Variants in DISP2 observed in about 807,000 individuals in gnomAD.
The protein encoded by DISP2 is dispatched RND transporter family member 2.
In DISP2, 59 loss-of-function variants were observed where a neutral mutation model predicts 95.5. That is an observed-to-expected ratio of 0.62 (90% CI 0.50 to 0.77). The LOEUF (loss-of-function observed/expected upper bound fraction) is 0.77, where lower values mean the gene tolerates loss of function less well. Ranked by LOEUF, DISP2 falls within the 30% of genes least tolerant of loss-of-function variation. DISP2 has a pLI of 0.00. For synonymous variants in DISP2, 827 were observed against 815.0 expected, an observed-to-expected ratio of 1.01 and a Z score of -0.25; for missense variants, 1,752 against 1,854.6, an observed-to-expected ratio of 0.94 and a Z score of 1.02.
chr15:40,367,741 C>G lies in DISP2; in HGVS notation c.1629C>G (p.Val543=). Residue 543 remains valine, a synonymous_variant, in exon 8 of 8, where the codon GTC becomes GTG. Transcript: ENST00000267889. ...VAFRMAYFPF[V]NLAALLLLSS... ...TCCGCATGGCCTACTTCCCCTTCGT[C>G]AATCTGGCAGCCCTCCTCCTGCTGA... is the stretch of plus-strand genomic sequence containing the variant. 6.2e-7 allele frequency: 1 copy of G among 1,612,722 alleles called. No individual in the cohort carries two copies. The highest frequency in any genetic ancestry group is 8.5e-7 in the Non-Finnish European group (1 of 1,180,030).
In DISP2 at chr15:40,369,191, G is replaced by A. The variant is rs778717806; in HGVS notation, c.3079G>A (p.Gly1027Ser). Residue 1027 changes from glycine (G) to serine (S), a missense_variant, in exon 8 of 8, where the codon GGC becomes AGC. Physicochemically the swap from Gly to Ser is moderately conservative, Grantham distance 56 (BLOSUM62 0). Around this residue, in one of 5 missense-constraint regions of DISP2, gnomAD observed 317 missense variants for 394.9 expected, o/e 0.80. Coordinates refer to ENST00000267889, the MANE Select transcript of DISP2 (RefSeq NM_033510.3). ...GGCCCTGTTTCTCTCTGCCTCAGTGGGCCTCTCAGTAGACTTCACTGTCAA... is the reference window on the plus strand; with the variant it reads ...GGCCCTGTTTCTCTCTGCCTCAGTGAGCCTCTCAGTAGACTTCACTGTCAA... ...AEALFLSASVGLSVDFTVNYC... is the reference protein window; with the variant it reads ...AEALFLSASVSLSVDFTVNYC... The A allele has an allele frequency of 6.2e-7, 1 of 1,613,880 alleles. No individual in the cohort carries two copies. Among genetic ancestry groups the A allele is most frequent in the South Asian group, 1.1e-5 (1 of 91,086 alleles).
At position 40,370,352 on chromosome 15, in the gene DISP2, C is replaced by T; in HGVS notation, c.*34C>T. ...CGGGGAGGCTGGACAGGGCGCGGAA[C>T]CCTGTCATGGATGACAAGGCAAGGG... On this transcript the variant is annotated 3_prime_UTR_variant, in exon 8 of 8. Transcript: ENST00000267889. The T allele has an allele frequency of 6.6e-7, 1 of 1,510,822 alleles. No homozygotes were observed. Among genetic ancestry groups the T allele is most frequent in the Non-Finnish European group, 8.8e-7 (1 of 1,132,666 alleles). The allele number at this position is 1,510,822 out of a possible 1,614,324, so 93.6% of individuals were successfully genotyped here.
rs945942246 is a variant in DISP2 at position 40,377,613 on chromosome 15, G to C, written c.*7295G>C. 2 of 152,426 alleles carry C rather than the reference G, an allele frequency of 1.3e-5. No individual in the cohort carries two copies. Among genetic ancestry groups the C allele is most frequent in the Admixed American group, 1.3e-4 (2 of 15,280 alleles). The allele number at this position is 152,426 out of a possible 1,614,324, so 9.4% of individuals were successfully genotyped here. ...CTCTGAGGTGAGGGGATAGCTGGGAGTGTGGAGCAGCCAAGCTGGCTAGAG... is the reference window on the plus strand; with the variant it reads ...CTCTGAGGTGAGGGGATAGCTGGGACTGTGGAGCAGCCAAGCTGGCTAGAG... On this transcript the variant is annotated 3_prime_UTR_variant, in exon 8 of 8. Transcript: ENST00000267889.
At chr15:40,360,019 G>T (rs1230228684) in intron 1 of DISP2, among the ~76,000 whole-genome samples, 2 of 152,214 alleles carry the variant, frequency 1.3e-5, no homozygotes, top group African/African-American at 2.4e-5. Flanking sequence ...TGTGGGCTTG[G>T]GGGTATAGTT....
Position 40,368,448 on chromosome 15 carries a change from T to G in DISP2, c.2336T>G (p.Leu779Arg), listed in dbSNP as rs780899040. 1.2e-6 allele frequency: 2 copies of G among 1,609,636 alleles called. No homozygotes were observed. Among genetic ancestry groups the G allele is most frequent in the East Asian group, 4.5e-5 (2 of 44,880 alleles). The change falls in exon 8 of 8, where the codon CTG becomes CGG. Residue 779 changes from leucine to arginine, a missense_variant. By Grantham distance (102) the Leu-to-Arg change is moderately radical. This residue lies in a region of DISP2 where 732 missense variants were observed against 714.6 expected (regional missense o/e 1.02). Coordinates refer to ENST00000267889, the MANE Select transcript of DISP2 (RefSeq NM_033510.3). ...HMPVVLVWGV[L>R]PVDTGDPLDP... ...CCCGTGGTTTTGGTGTGGGGCGTCC[T>G]GCCTGTGGACACTGGCGACCCTCTG...
In DISP2 at chr15:40,364,057, A is replaced by G. The variant is rs1342052125; in HGVS notation, c.449+103A>G. 8.9e-6 allele frequency: 13 copies of G among 1,462,558 alleles called. No individual in the cohort carries two copies. The South Asian group carries it at 1.6e-4, about 17-fold the overall frequency. 90.6% of individuals were successfully genotyped at this position (1,462,558 alleles called of 1,614,324 possible). On this transcript the variant is annotated intron_variant, in intron 2 of 7. Transcript: ENST00000267889. ...CTCTAGACTCCTTTCTTAGGAGGCA[A>G]CCAGATGCAACAGGAAGTAAGGGTT...
chr15:40,368,270 A>C lies in DISP2; in HGVS notation c.2158A>C (p.Ile720Leu), dbSNP rs1358320785. 6.2e-7 allele frequency: 1 copy of C among 1,608,954 alleles called. No individual in the cohort carries two copies. Among genetic ancestry groups the C allele is most frequent in the Non-Finnish European group, 8.5e-7 (1 of 1,178,468 alleles). ...FAALAAGGAY[I>L]AGVSPRLRLP... Reference sequence around the variant, plus strand: ...AGCACTGGCGGCAGGGGGCGCCTACATCGCCGGAGTCAGCCCCCGCCTGCG... The same window carrying C: ...AGCACTGGCGGCAGGGGGCGCCTACCTCGCCGGAGTCAGCCCCCGCCTGCG... Residue 720 changes from isoleucine to leucine, a missense_variant, in exon 8 of 8, where the codon ATC (isoleucine) becomes CTC (leucine). By Grantham distance (5) the Ile-to-Leu change is conservative (BLOSUM62 2). Around this residue, in one of 5 missense-constraint regions of DISP2, gnomAD observed 732 missense variants for 714.6 expected, o/e 1.02. Transcript: ENST00000267889.
intron 1 of DISP2, 124 bp downstream of exon 1, chr15:40,358,564 C>T: frequency 5.3e-6 from 4 of 750,618 alleles, no homozygotes; most frequent in South Asian, 1.3e-4. Context: ...AGCCCCTTCC[C>T]GGGGTCGCCA....
In DISP2 at chr15:40,376,450, T is replaced by C. The variant is rs1198979435; in HGVS notation, c.*6132T>C. On this transcript the variant is annotated 3_prime_UTR_variant, in exon 8 of 8. Transcript: ENST00000267889. The stretch of plus-strand genomic sequence containing the variant: ...GCCTGGCCAACATGGCAAAACCCTG[T>C]CTCTACTAAAAATACAAAAATTAGC... 6.6e-6 allele frequency: 1 copy of C among 152,038 alleles called. No individual in the cohort carries two copies. Among genetic ancestry groups the C allele is most frequent in the African/African-American group, 2.4e-5 (1 of 41,368 alleles). 9.4% of individuals were successfully genotyped at this position (152,038 alleles called of 1,614,324 possible). A position where few individuals can be genotyped will look rare whatever the true frequency, so the allele number is the denominator to read the frequency against.
At position 40,369,105 on chromosome 15, in the gene DISP2, G is replaced by A. The variant is rs775577877; in HGVS notation, c.2993G>A (p.Gly998Asp). 26 of 1,613,780 alleles carry A rather than the reference G, an allele frequency of 1.6e-5. No individual in the cohort carries two copies. Among genetic ancestry groups the A allele is most frequent in the Non-Finnish European group, 2.5e-6 (3 of 1,180,056 alleles). ...CTATTCTCCGTGGCAGCTGTGGCAG[G>A]CACCGTGCTGCTCACTGTAGGACTC... ...LSLFSVAAVA[G>D]TVLLTVGLLV... The change falls in exon 8 of 8, where the codon GGC (glycine) becomes GAC (aspartate). Residue 998 changes from glycine to aspartate, a missense_variant. Gly to Asp is a moderately conservative substitution (Grantham distance 94). This residue lies in a region of DISP2 where 317 missense variants were observed against 394.9 expected (regional missense o/e 0.80). Transcript: ENST00000267889.
At position 40,364,259 on chromosome 15, in the gene DISP2, G is replaced by T. The variant is rs957045898; in HGVS notation, c.479+4G>T. On this transcript the variant is annotated splice_donor_region_variant and intron_variant, in intron 3 of 7. Coordinates refer to ENST00000267889, the MANE Select transcript of DISP2 (RefSeq NM_033510.3). Reference sequence around the variant, plus strand: ...GAGCCTTCCAGATGCCAAAGAGGTAGGCCTGGGCCTTCCCTGGACCTCTAG... The same window carrying T: ...GAGCCTTCCAGATGCCAAAGAGGTATGCCTGGGCCTTCCCTGGACCTCTAG... 27 of 1,614,010 alleles carry T rather than the reference G, an allele frequency of 1.7e-5. No individual in the cohort carries two copies. The African/African-American group carries it at 3.3e-4, about 20-fold the overall frequency.
At position 40,371,182 on chromosome 15, in the gene DISP2, G is replaced by A. The variant is rs1263727313; in HGVS notation, c.*864G>A. 1 of 152,442 alleles carries A rather than the reference G, an allele frequency of 6.6e-6. No individual in the cohort carries two copies. Among genetic ancestry groups the A allele is most frequent in the African/African-American group, 2.4e-5 (1 of 41,416 alleles). The allele number at this position is 152,442 out of a possible 1,614,324, so 9.4% of individuals were successfully genotyped here. A position where few individuals can be genotyped will look rare whatever the true frequency, so the allele number is the denominator to read the frequency against. The stretch of plus-strand genomic sequence containing the variant: ...ACTAAGTAAGATGAACTGACCTCAG[G>A]GTCACTTAGCCACTAAATGGCAGAG... On this transcript the variant is annotated 3_prime_UTR_variant, in exon 8 of 8. Transcript: ENST00000267889.
Position 40,358,249 on chromosome 15 carries a change from C to A in DISP2, c.-73C>A. On this transcript the variant is annotated 5_prime_UTR_variant, in exon 1 of 8. Transcript: ENST00000267889. ...CACGAGCACCCCGCCGCCGCTGCCG[C>A]CGCCACCGCCGCCGCCGCCGCCGCC... 9.6e-7 allele frequency: 1 copy of A among 1,045,984 alleles called. No individual in the cohort carries two copies. Among genetic ancestry groups the A allele is most frequent in the South Asian group, 4.6e-5 (1 of 21,962 alleles). 64.8% of individuals were successfully genotyped at this position (1,045,984 alleles called of 1,614,324 possible).
Position 40,369,915 on chromosome 15 carries a change from C to A in DISP2, c.3803C>A (p.Ala1268Asp). ...EPLPASPEAP[A>D]HSPKAKAADP... The stretch of plus-strand genomic sequence containing the variant: ...CTGCCAGCCTCACCAGAAGCCCCAG[C>A]CCACTCTCCTAAGGCCAAGGCTGCA... Residue 1268 changes from alanine to aspartate, a missense_variant, in exon 8 of 8, where the codon GCC (alanine) becomes GAC (aspartate). Ala to Asp is a moderately radical substitution (Grantham distance 126). Coordinates refer to ENST00000267889, the MANE Select transcript of DISP2 (RefSeq NM_033510.3). 6.3e-7 allele frequency: 1 copy of A among 1,578,340 alleles called. No homozygotes were observed. The highest frequency in any genetic ancestry group is 8.6e-7 in the Non-Finnish European group (1 of 1,160,566).
In DISP2 at chr15:40,367,836, C is replaced by T. The variant is rs1328707914; in HGVS notation, c.1724C>T (p.Ser575Leu). 3.7e-6 allele frequency: 6 copies of T among 1,601,384 alleles called. No homozygotes were observed. The highest frequency in any genetic ancestry group is 1.3e-5 in the African/African-American group (1 of 74,906). The change falls in exon 8 of 8, where the codon TCG becomes TTG. Residue 575 changes from serine (S) to leucine (L), a missense_variant. By Grantham distance (145) the Ser-to-Leu change is moderately radical. Transcript: ENST00000267889. Reference sequence around the variant, plus strand: ...CGCCTTAGCAAGAGCCAGCTGCCGTCGGGGGGGCTGGCGCAGCGCGTGGGC... The same window carrying T: ...CGCCTTAGCAAGAGCCAGCTGCCGTTGGGGGGGCTGGCGCAGCGCGTGGGC... ...LWRLSKSQLP[S>L]GGLAQRVGRT...
rs4924458 is a variant in DISP2 at position 40,370,900 on chromosome 15, C to G, written c.*582C>G. 0.13 allele frequency: 36,232 copies of G among 271,532 alleles called. 4,511 individuals carry two copies. Among genetic ancestry groups the G allele is most frequent in the East Asian group, 0.56 (6,506 of 11,630 alleles). 16.8% of individuals were successfully genotyped at this position (271,532 alleles called of 1,614,324 possible). A position where few individuals can be genotyped will look rare whatever the true frequency, so the allele number is the denominator to read the frequency against. ...ATACTCACCGGTTTGACCAGAAATT[C>G]TCCAAATCCAGCCATAGATGGCTGC... is the stretch of plus-strand genomic sequence containing the variant. On this transcript the variant is annotated 3_prime_UTR_variant, in exon 8 of 8. Transcript: ENST00000267889.
Position 40,369,698 on chromosome 15 carries a change from CT to C in DISP2, c.3587del (p.Leu1196ArgfsTer105). On this transcript the variant is annotated frameshift_variant, in exon 8 of 8. Coordinates refer to ENST00000267889, the MANE Select transcript of DISP2 (RefSeq NM_033510.3). LOFTEE classifies it high-confidence loss of function. ...SHRPSVLSED[L>X]QLHDGPCCSR... is the part of the protein sequence containing the mutation. ...CCGGCCCTCAGTACTCTCTGAGGATCTGCAGCTCCATGATGGTCCGTGCTGT... is the reference window on the plus strand; with the variant it reads ...CCGGCCCTCAGTACTCTCTGAGGATCGCAGCTCCATGATGGTCCGTGCTGT... 1 of 1,611,932 alleles carries C rather than the reference CT, an allele frequency of 6.2e-7. No homozygotes were observed. Among genetic ancestry groups the C allele is most frequent in the Admixed American group, 1.7e-5 (1 of 60,026 alleles).
chr15:40,364,888 A>G lies in DISP2; in HGVS notation c.654A>G (p.Arg218=), dbSNP rs754162353. The G allele has an allele frequency of 2.2e-5, 35 of 1,613,992 alleles. No individual in the cohort carries two copies. The African/African-American group carries it at 3.2e-4, about 15-fold the overall frequency. The change falls in exon 5 of 8, where the codon AGA becomes AGG. Residue 218 remains arginine (R), a synonymous_variant. Transcript: ENST00000267889. ...TTGGGAGCAAGTTAGTGGTCTGGAG[A>G]GCACTACAAGCCCTCACAGGCCCCA... The part of the protein sequence containing the change: ...TDIGSKLVVW[R]ALQALTGPRK...
rs772083845 is a variant in DISP2, at chr15:40,367,418, A to G, written c.1306A>G (p.Ser436Gly). 3.7e-6 allele frequency: 6 copies of G among 1,613,504 alleles called. No homozygotes were observed. Among genetic ancestry groups the G allele is most frequent in the Middle Eastern group, 1.6e-4 (1 of 6,062 alleles). Residue 436 changes from serine to glycine, a missense_variant, in exon 8 of 8, where the codon AGC (serine) becomes GGC (glycine). Around this residue, in one of 5 missense-constraint regions of DISP2, gnomAD observed 732 missense variants for 714.6 expected, o/e 1.02. Coordinates refer to ENST00000267889, the MANE Select transcript of DISP2 (RefSeq NM_033510.3). The part of the protein sequence containing the change: ...TDYQVPSLKY[S>G]LLFLPTPKGA... ...CTACCAGGTGCCTTCCCTCAAGTACAGCCTGCTCTTCCTGCCCACCCCAAA... is the reference window on the plus strand; with the variant it reads ...CTACCAGGTGCCTTCCCTCAAGTACGGCCTGCTCTTCCTGCCCACCCCAAA...
Sources: gnomAD v4.1 joint callset for allele counts (sites outside exome capture counted in the v4.1 genomes callset) on GRCh38, gnomAD v4.1.1 for gene constraint, gnomAD v4.1.1 regional missense constraint, MANE v1.5 for transcripts, NCBI Gene and HGNC (gene_info 2026-07-23, HGNC 2026-07-21) for gene names.